Variants in CHRM3 observed in about 807,000 individuals in gnomAD.
CHRM3 encodes cholinergic receptor muscarinic 3.
A neutral mutation model predicts 41.8 loss-of-function variants in CHRM3; 11 were observed. The ratio of observed to expected loss-of-function variants is 0.26; its 90% CI spans 0.17 to 0.44. The LOEUF is 0.44. Ranked by LOEUF, CHRM3 falls within the 20% of genes least tolerant of loss-of-function variation. The probability of loss-of-function intolerance (pLI) is 1.00; values close to 1 mark genes in which losing one functional copy is unlikely to be tolerated. For synonymous variants in CHRM3, 297 were observed against 301.4 expected, an observed-to-expected ratio of 0.99 and a Z score of 0.15; for missense variants, 571 against 745.4, an observed-to-expected ratio of 0.77 and a Z score of 2.72.
At chr1:239,877,424 T>A (rs367946114) in intron 6 of CHRM3, among the ~76,000 whole-genome samples, 3 of 150,230 alleles carry the variant, frequency 2.0e-5, no homozygotes, top group African/African-American at 2.5e-5. Flanking sequence ...TCTATAAAAA[T>A]AAAAAAAAAA....
chr1:239,681,092 G>A (rs1043575501), intron 5 of CHRM3, among the ~76,000 whole-genome samples: 2 of 152,088 alleles, frequency 1.3e-5, no homozygotes, highest in African/African-American at 4.8e-5. Flanking sequence ...ACTATCACAA[G>A]AATAGCACAG....
At chr1:239,856,646 C>T (rs557980472) in intron 6 of CHRM3, among the ~76,000 whole-genome samples, 3 of 152,136 alleles carry the variant, frequency 2.0e-5, no homozygotes, top group East Asian at 1.9e-4. Context: ...GGTATGAGAT[C>T]GCTACCAGGA....
intron 1 of CHRM3, among the ~76,000 whole-genome samples, chr1:239,399,219 T>G (rs553136054): frequency 6.6e-6 from 1 of 152,150 alleles, no homozygotes; most frequent in South Asian, 2.1e-4. Context: ...TCTTTTTTCA[T>G]GTATAGTTGA....
intron 6 of CHRM3, among the ~76,000 whole-genome samples, chr1:239,832,360 T>G (rs1433993156): frequency 6.6e-6 from 1 of 152,202 alleles, no homozygotes; most frequent in Non-Finnish European, 1.5e-5. Flanking sequence ...CATGGCAAAT[T>G]GTTCAACTTT....
At chr1:239,638,489 T>C (rs1208198006) in intron 4 of CHRM3, among the ~76,000 whole-genome samples, 1 of 152,226 alleles carries the variant, frequency 6.6e-6, no homozygotes, top group Non-Finnish European at 1.5e-5. Flanking sequence ...ATTGTGGTTT[T>C]GATTTGCATT....
At chr1:239,832,714 A>G (rs1672995470) in intron 6 of CHRM3, among the ~76,000 whole-genome samples, 1 of 152,080 alleles carries the variant, frequency 6.6e-6, no homozygotes, top group Admixed American at 6.6e-5. Context: ...TTGTTTATAT[A>G]CAGGATTAAA....
intron 1 of CHRM3, among the ~76,000 whole-genome samples, chr1:239,462,278 T>C (rs1002274446): frequency 1.3e-5 from 2 of 152,190 alleles, no homozygotes; most frequent in Admixed American, 6.5e-5. Flanking sequence ...CTTTTCATTA[T>C]ATAAATTTGG....
intron 3 of CHRM3, among the ~76,000 whole-genome samples, chr1:239,618,776 G>A (rs745643242): frequency 4.7e-5 from 7 of 147,658 alleles, no homozygotes; most frequent in Non-Finnish European, 7.5e-5. Flanking sequence ...CCCGGGAGGC[G>A]GAGCTTGCAG....
At chr1:239,403,509 G>A (rs1383450358) in intron 1 of CHRM3, among the ~76,000 whole-genome samples, 2 of 152,186 alleles carry the variant, frequency 1.3e-5, no homozygotes, top group East Asian at 3.9e-4. Flanking sequence ...CTGAGATTCA[G>A]AACTTCCCTT....
intron 1 of CHRM3, among the ~76,000 whole-genome samples, chr1:239,441,437 A>G (rs1663710111): frequency 6.6e-6 from 1 of 152,192 alleles, no homozygotes; most frequent in African/African-American, 2.4e-5. Context: ...TGACATTTCC[A>G]TTGCTTCATT....
At chr1:239,532,528 G>T (rs1657727318) in intron 2 of CHRM3, among the ~76,000 whole-genome samples, 1 of 150,968 alleles carries the variant, frequency 6.6e-6, no homozygotes, top group Non-Finnish European at 1.5e-5. Flanking sequence ...CGGAGGCTGA[G>T]GCAGGAGAAT....
At chr1:239,580,767 T>G (rs940349632) in intron 3 of CHRM3, among the ~76,000 whole-genome samples, 1 of 145,038 alleles carries the variant, frequency 6.9e-6, no homozygotes, top group African/African-American at 2.5e-5. Context: ...TGTATATATG[T>G]AAATATATAT....
chr1:239,465,590 G>A lies in CHRM3; in HGVS notation c.-520-27119G>A, dbSNP rs548532238. Among the ~76,000 whole-genome samples the A allele has an allele frequency of 5.3e-5, 8 of 152,106 alleles. No individual in the cohort carries two copies. In the South Asian group the frequency reaches 1.0e-3, roughly 20 times the overall value. On this transcript the variant is annotated intron_variant, in intron 1 of 6. Transcript: ENST00000676153. ...GCCTTTGTTTGCCATCACTGACGTC[G>A]GGTTTGCCTTCTCTTCCATGGCCAA... is the stretch of plus-strand genomic sequence containing the variant.
chr1:239,405,138 T>A (rs927396739), intron 1 of CHRM3, among the ~76,000 whole-genome samples: 12 of 152,144 alleles, frequency 7.9e-5, no homozygotes, highest in African/African-American at 2.4e-4. Context: ...ATCATACAAC[T>A]AATACTTTTT....
intron 6 of CHRM3, among the ~76,000 whole-genome samples, chr1:239,875,615 C>T (rs902070606): frequency 1.3e-5 from 2 of 152,164 alleles, no homozygotes; most frequent in Non-Finnish European, 2.9e-5. Flanking sequence ...ACAATGGAGA[C>T]CTAACTGAAC....
intron 5 of CHRM3, among the ~76,000 whole-genome samples, chr1:239,783,289 TAAG>T (rs1434764609): frequency 6.6e-6 from 1 of 151,800 alleles, no homozygotes; most frequent in African/African-American, 2.4e-5. Flanking sequence ...CTTAGAGAGA[TAAG>T]AAACAATATT....
intron 5 of CHRM3, among the ~76,000 whole-genome samples, chr1:239,690,599 G>A (rs543697529): frequency 1.1e-3 from 169 of 151,490 alleles, no homozygotes; most frequent in Admixed American, 2.0e-3. Flanking sequence ...AACATAAATT[G>A]AGCATATTTA....
At chr1:239,513,303 T>G (rs1184749596) in intron 2 of CHRM3, among the ~76,000 whole-genome samples, 1 of 152,192 alleles carries the variant, frequency 6.6e-6, no homozygotes, top group African/African-American at 2.4e-5. Flanking sequence ...AATAATATCT[T>G]TTGTCAGTGC....
At chr1:239,392,448 C>T (rs1020123652) in intron 1 of CHRM3, among the ~76,000 whole-genome samples, 2 of 152,188 alleles carry the variant, frequency 1.3e-5, no homozygotes, top group Non-Finnish European at 2.9e-5. Flanking sequence ...TGAAATTTGG[C>T]ATGCCAGCTG....
Sources: allele counts gnomAD v4.1 joint callset (sites outside exome capture counted in the v4.1 genomes callset), GRCh38; gene constraint gnomAD v4.1.1; transcripts MANE v1.5; gene names NCBI Gene and HGNC (gene_info 2026-07-23, HGNC 2026-07-21).